Variants in PRR11 observed in about 807,000 individuals in gnomAD.
The protein encoded by PRR11 is proline-rich protein 11.
PRR11 carries 30 observed loss-of-function variants against 45.6 expected under a neutral mutation model. The observed-to-expected ratio is 0.66, with a 90% CI of 0.49 to 0.89. The LOEUF (loss-of-function observed/expected upper bound fraction) is 0.89. Ranked by LOEUF, PRR11 falls within the 40% of genes least tolerant of loss-of-function variation. PRR11 has a pLI of 0.00. For synonymous variants in PRR11, 128 were observed against 153.5 expected (o/e 0.83, Z 1.23); for missense variants, 373 against 424.8 (o/e 0.88, Z 1.07).
chr17:59,169,350 G>A (rs556689195), intron 1 of PRR11, among the ~76,000 whole-genome samples: 1 of 151,938 alleles, frequency 6.6e-6, no homozygotes, highest in Admixed American at 6.6e-5. Context: ...CACCCGCCTC[G>A]GCCTCCCAAA....
At chr17:59,199,845 G>A (rs1216845842) in intron 9 of PRR11, among the ~76,000 whole-genome samples, 2 of 152,202 alleles carry the variant, frequency 1.3e-5, no homozygotes, top group Non-Finnish European at 2.9e-5. Context: ...TTTCTGCGTA[G>A]TGGAGATGTG....
At chr17:59,185,375 G>A (rs1409602717) in intron 3 of PRR11, 65 bp from the exon 4 acceptor site, 4 of 1,549,450 alleles carry the variant, frequency 2.6e-6, no homozygotes, top group Non-Finnish European at 2.6e-6. Context: ...TCACTTTCTG[G>A]TTCCTGTTTT....
At chr17:59,181,779 C>G in intron 2 of PRR11, 2 of 1,551,266 alleles carry the variant, frequency 1.3e-6, no homozygotes. Flanking sequence ...CCATGTAATG[C>G]TTCTGCAACT....
At chr17:59,193,333 G>A (rs2046848398) in intron 4 of PRR11, among the ~76,000 whole-genome samples, 159 bp from the exon 5 acceptor site, 1 of 152,150 alleles carries the variant, frequency 6.6e-6, no homozygotes, top group African/African-American at 2.4e-5. Context: ...ACTAATGAAT[G>A]AAATGAAGAA....
intron 5 of PRR11, 115 bp from the exon 6 acceptor site, chr17:59,194,642 T>C (rs2046856153): frequency 3.1e-6 from 2 of 655,546 alleles, no homozygotes; most frequent in African/African-American, 1.9e-5. Flanking sequence ...GACAGGTTCC[T>C]AGGGTAGATA....
intron 2 of PRR11, 67 bp from the exon 3 acceptor site, chr17:59,184,987 A>G (rs1453755359): frequency 6.8e-7 from 1 of 1,475,958 alleles, no homozygotes; most frequent in African/African-American, 1.4e-5. Context: ...ATGAGCCACC[A>G]CACCAGGCCA....
intron 2 of PRR11, chr17:59,179,633 TG>T: frequency 1.3e-6 from 2 of 1,513,292 alleles, no homozygotes; most frequent in Non-Finnish European, 9.0e-7. Flanking sequence ...AGGTGCTCTC[TG>T]GGGTGTCCTC....
At chr17:59,187,254 A>G (rs1222524839) in intron 4 of PRR11, among the ~76,000 whole-genome samples, 1 of 152,114 alleles carries the variant, frequency 6.6e-6, no homozygotes, top group Non-Finnish European at 1.5e-5. Flanking sequence ...AAATAAATAC[A>G]TGAGTAGGTG....
At chr17:59,170,108 C>T (rs1395494025) in intron 2 of PRR11, among the ~76,000 whole-genome samples, 2 of 151,988 alleles carry the variant, frequency 1.3e-5, no homozygotes, top group African/African-American at 4.8e-5. Flanking sequence ...CAAAAATTAG[C>T]CTGCGTGGTG....
intron 1 of PRR11, among the ~76,000 whole-genome samples, 187 bp downstream of exon 1, chr17:59,155,992 A>G (rs1490784106): frequency 6.6e-6 from 1 of 152,094 alleles, no homozygotes; most frequent in Non-Finnish European, 1.5e-5. Context: ...CATCTTAACC[A>G]TACTTCTATT....
intron 2 of PRR11, chr17:59,181,684 G>T (rs908141834): frequency 2.6e-6 from 4 of 1,547,936 alleles, no homozygotes; most frequent in African/African-American, 2.7e-5. Context: ...AGATTGGTCC[G>T]ACCACTCCCT....
chr17:59,205,890 A>AAT lies in PRR11; in HGVS notation c.*4265_*4266dup, dbSNP rs1555718777. On this transcript the variant is annotated 3_prime_UTR_variant, in exon 10 of 10. Coordinates refer to ENST00000262293, the MANE Select transcript of PRR11 (RefSeq NM_018304.4). The stretch of plus-strand genomic sequence containing the variant: ...GTGAAACCCCGTCTCTACCAAAAAA[A>AAT]ATATATAAAAATTATCTGGGTGTGG... Among the ~76,000 whole-genome samples the AAT allele has an allele frequency of 2.6e-5, 4 of 151,266 alleles. No homozygotes were observed. The highest frequency in any genetic ancestry group is 9.7e-5 in the African/African-American group (4 of 41,122).
chr17:59,173,083 A>G (rs1299444859), intron 2 of PRR11, among the ~76,000 whole-genome samples: 1 of 152,246 alleles, frequency 6.6e-6, no homozygotes. Context: ...AAACACACCA[A>G]TCAACACTCT....
chr17:59,164,033 C>T (rs2046667045), intron 1 of PRR11, among the ~76,000 whole-genome samples: 1 of 152,118 alleles, frequency 6.6e-6, no homozygotes, highest in Admixed American at 6.6e-5. Flanking sequence ...CATGCCACTG[C>T]ACTCCAGCCT....
In PRR11 at chr17:59,191,375, C is replaced by T. The variant is rs142410333; in HGVS notation, c.403-2117C>T. On this transcript the variant is annotated intron_variant, in intron 4 of 9. Transcript: ENST00000262293. ...CTGGGATTACAGGTGCCCACCACCA[C>T]GCCTCGCTAATTTTTGTGTTTTTAG... 3.6e-3 allele frequency among the ~76,000 whole-genome samples: 545 copies of T among 151,996 alleles called. 9 individuals carry two copies. The highest frequency in any genetic ancestry group is 0.012 in the African/African-American group (509 of 41,458).
In PRR11 at chr17:59,174,437, A is replaced by G. The variant is rs60045253; in HGVS notation, c.128+4557A>G. Among the ~76,000 whole-genome samples, 477 of 152,250 alleles carry G rather than the reference A, an allele frequency of 3.1e-3. 3 individuals are homozygous for G. The highest frequency in any genetic ancestry group is 0.011 in the African/African-American group (464 of 41,540). On this transcript the variant is annotated intron_variant, in intron 2 of 9. Coordinates refer to ENST00000262293, the MANE Select transcript of PRR11 (RefSeq NM_018304.4). ...ACTGAACCCTCGACCCAAATCGGTA[A>G]CTCAAGTGTGTCAATCATAATGAAC...
chr17:59,176,337 G>A (rs142819164), intron 2 of PRR11, among the ~76,000 whole-genome samples: 1 of 152,234 alleles, frequency 6.6e-6, no homozygotes, highest in African/African-American at 2.4e-5. Context: ...TTGTTCAGGT[G>A]GGCAGTGAGG....
chr17:59,166,226 G>A (rs543328563), intron 1 of PRR11, among the ~76,000 whole-genome samples: 7 of 152,274 alleles, frequency 4.6e-5, no homozygotes, highest in African/African-American at 1.4e-4. Flanking sequence ...GAACAAAAGT[G>A]GAATGAATGT....
intron 1 of PRR11, among the ~76,000 whole-genome samples, chr17:59,156,288 TAG>T (rs1262728220): frequency 1.3e-5 from 2 of 152,166 alleles, no homozygotes; most frequent in Non-Finnish European, 2.9e-5. Flanking sequence ...GGCATGCTGT[TAG>T]AGTGTCAATT....
Sources: allele counts gnomAD v4.1 joint callset (sites outside exome capture counted in the v4.1 genomes callset), GRCh38; gene constraint gnomAD v4.1.1; transcripts MANE v1.5; gene names NCBI Gene and HGNC (gene_info 2026-07-23, HGNC 2026-07-21).